The following RBFOX1 variants were observed in gnomAD, a reference collection of about 807,000 sequenced individuals.
RBFOX1 encodes RNA binding fox-1 homolog 1, also known as RNA binding protein fox-1 homolog 1.
Under a neutral mutation model 57.7 loss-of-function variants are expected in RBFOX1, and 8 were observed. That is an observed-to-expected ratio of 0.14 (90% CI 0.08 to 0.25). The LOEUF (loss-of-function observed/expected upper bound fraction) is 0.25, where lower values mean the gene tolerates loss of function less well. Ranked by LOEUF, RBFOX1 falls within the 10% of genes least tolerant of loss-of-function variation. The pLI, the probability that RBFOX1 is intolerant of heterozygous loss-of-function variation, is 1.00. For synonymous variants in RBFOX1, 326 were observed against 222.4 expected (o/e 1.47, Z -4.15); for missense variants, 611 against 548.5 (o/e 1.11, Z -1.14).
intron 12 of RBFOX1, among the ~76,000 whole-genome samples, chr16:7,661,409 TTG>T (rs2067689192): frequency 6.6e-6 from 1 of 152,170 alleles, no homozygotes. Context: ...GCCATAGGTC[TTG>T]CCTTGCAGTA....
At chr16:7,635,876 T>C (rs759213518) in intron 11 of RBFOX1, among the ~76,000 whole-genome samples, 2 of 152,212 alleles carry the variant, frequency 1.3e-5, no homozygotes, top group Non-Finnish European at 2.9e-5. Context: ...AGTAGCGCAG[T>C]CCCGGCTCAC....
chr16:7,516,355 G>A (rs1215078451), intron 4 of RBFOX1, among the ~76,000 whole-genome samples: 3 of 151,970 alleles, frequency 2.0e-5, no homozygotes, highest in Non-Finnish European at 4.4e-5. Flanking sequence ...CATCTGATTG[G>A]CCAGGCTGAT....
At chr16:7,385,281 G>T (rs558772997) in intron 4 of RBFOX1, among the ~76,000 whole-genome samples, 3 of 152,340 alleles carry the variant, frequency 2.0e-5, no homozygotes, top group South Asian at 4.1e-4. Context: ...CAGGAGAGCA[G>T]TTAGGAAGCT....
At chr16:6,937,742 G>A (rs185836652) in intron 3 of RBFOX1, among the ~76,000 whole-genome samples, 3 of 152,216 alleles carry the variant, frequency 2.0e-5, no homozygotes, top group Admixed American at 1.3e-4. Flanking sequence ...AGGATAAGGG[G>A]TTGTGGAGAC....
At chr16:6,885,524 ATTT>A (rs61342590) in intron 3 of RBFOX1, among the ~76,000 whole-genome samples, 1,608 of 145,620 alleles carry the variant, frequency 0.011, 29 homozygotes, top group African/African-American at 0.039. Flanking sequence ...TCTGCATTTT[ATTT>A]TTTTATTTTT....
At chr16:7,509,966 G>GTTTT (rs5815406) in intron 4 of RBFOX1, among the ~76,000 whole-genome samples, 1 of 141,758 alleles carries the variant, frequency 7.1e-6, no homozygotes, top group African/African-American at 2.7e-5. Flanking sequence ...CGAGCAGTGG[G>GTTTT]TTTTTTTTTT....
At chr16:5,765,118 T>C (rs1330644970) in intron 3 of RBFOX1, among the ~76,000 whole-genome samples, 1 of 152,096 alleles carries the variant, frequency 6.6e-6, no homozygotes, top group Non-Finnish European at 1.5e-5. Context: ...CTCTTCTAAT[T>C]ATTGGGAAGC....
intron 2 of RBFOX1, among the ~76,000 whole-genome samples, chr16:5,524,677 A>T (rs2044168629): frequency 6.6e-6 from 1 of 151,556 alleles, no homozygotes; most frequent in Non-Finnish European, 1.5e-5. Flanking sequence ...AGTAGCCGGG[A>T]TTACAGACGC....
chr16:6,134,019 C>T (rs889777160), intron 1 of RBFOX1, among the ~76,000 whole-genome samples: 1 of 152,054 alleles, frequency 6.6e-6, no homozygotes, highest in African/African-American at 2.4e-5. Context: ...TCAGTGCAAC[C>T]TCTGCCTCCT....
At chr16:5,398,510 A>G (rs778337106) in intron 1 of RBFOX1, among the ~76,000 whole-genome samples, 15 of 151,790 alleles carry the variant, frequency 9.9e-5, no homozygotes, top group Non-Finnish European at 1.5e-5. Context: ...GCATGTGAGC[A>G]GGTGTGCATG....
chr16:7,475,841 A>G (rs1360295361), intron 4 of RBFOX1, among the ~76,000 whole-genome samples: 3 of 152,246 alleles, frequency 2.0e-5, no homozygotes, highest in Admixed American at 6.5e-5. Context: ...AACAGATTAT[A>G]AAGTTGTGAG....
chr16:5,997,577 C>A (rs1253767040), intron 4 of RBFOX1, among the ~76,000 whole-genome samples: 1 of 152,204 alleles, frequency 6.6e-6, no homozygotes, highest in African/African-American at 2.4e-5. Flanking sequence ...ATCACCAAAT[C>A]TCTAGAGCGA....
Position 7,473,849 on chromosome 16 carries a change from T to C in RBFOX1, c.28-44298T>C, listed in dbSNP as rs543822299. 2.0e-5 allele frequency among the ~76,000 whole-genome samples: 3 copies of C among 152,332 alleles called. No homozygotes were observed. The South Asian group carries it at 6.2e-4, about 32-fold the overall frequency. On this transcript the variant is annotated intron_variant, in intron 4 of 15. Coordinates refer to ENST00000550418, the MANE Select transcript of RBFOX1 (RefSeq NM_018723.4). ...GACAATTCTAGTGATTACAGGGACA[T>C]TGATTCTAGGGGATGTGCCAAATTA...
At chr16:5,952,995 T>C (rs2059550992) in intron 4 of RBFOX1, among the ~76,000 whole-genome samples, 1 of 152,096 alleles carries the variant, frequency 6.6e-6, no homozygotes, top group African/African-American at 2.4e-5. Flanking sequence ...AGGAAACTTT[T>C]GGAAATACAA....
chr16:7,117,687 C>G (rs1031718849), intron 4 of RBFOX1, among the ~76,000 whole-genome samples: 2 of 152,310 alleles, frequency 1.3e-5, no homozygotes, highest in Non-Finnish European at 2.9e-5. Context: ...TAACACAACA[C>G]TCTTTTGTTA....
intron 2 of RBFOX1, among the ~76,000 whole-genome samples, chr16:6,536,383 T>C (rs1476977): frequency 0.5 from 76,310 of 152,094 alleles, 19,522 homozygotes; most frequent in East Asian, 0.69. Context: ...CTCCAAATGT[T>C]TTGCACATTC....
intron 3 of RBFOX1, among the ~76,000 whole-genome samples, chr16:7,025,712 C>T (rs2040710082): frequency 6.6e-6 from 1 of 151,930 alleles, no homozygotes; most frequent in South Asian, 2.1e-4. Context: ...TGCCGCACTG[C>T]CAGTCAGGAC....
chr16:5,732,516 A>G (rs2052415998), intron 3 of RBFOX1, among the ~76,000 whole-genome samples: 1 of 152,166 alleles, frequency 6.6e-6, no homozygotes, highest in South Asian at 2.1e-4. Context: ...GATGGCTGCA[A>G]GACATAGGGG....
intron 1 of RBFOX1, among the ~76,000 whole-genome samples, chr16:6,101,724 C>T (rs1025806332): frequency 2.5e-4 from 38 of 152,248 alleles, no homozygotes; most frequent in African/African-American, 7.5e-4. Flanking sequence ...GAATTTGAGA[C>T]CAGCCTGGCC....
Sources: allele counts gnomAD v4.1 joint callset (sites outside exome capture counted in the v4.1 genomes callset), GRCh38; gene constraint gnomAD v4.1.1; transcripts MANE v1.5; gene names NCBI Gene and HGNC (gene_info 2026-07-23, HGNC 2026-07-21).